CCDC141: variants seen among roughly 807,000 people sequenced by gnomAD.
The protein encoded by CCDC141 is coiled-coil domain containing 141.
In CCDC141, 168 loss-of-function variants were observed where a neutral mutation model predicts 181.0. That is an observed-to-expected ratio of 0.93 (90% CI 0.82 to 1.05). The LOEUF (loss-of-function observed/expected upper bound fraction) is 1.05, where lower values mean the gene tolerates loss of function less well. Among genes scored for constraint, CCDC141 ranks in the 50% least tolerant of loss-of-function variants. The pLI is 0.00. For synonymous variants in CCDC141, 666 were observed against 642.3 expected (o/e 1.04, Z -0.56); for missense variants, 1,902 against 1,788.5 (o/e 1.06, Z -1.14).
chr2:178,891,669 A>G (rs1687157705), intron 8 of CCDC141, among the ~76,000 whole-genome samples: 3 of 152,148 alleles, frequency 2.0e-5, no homozygotes, highest in African/African-American at 7.2e-5. Context: ...CCTCCAGCAC[A>G]AAAAATAGGT....
intron 14 of CCDC141, among the ~76,000 whole-genome samples, chr2:178,870,488 G>A (rs913637479): frequency 2.6e-5 from 4 of 152,088 alleles, no homozygotes; most frequent in African/African-American, 7.2e-5. Flanking sequence ...ACATGCAAAC[G>A]TGCACACAAA....
intron 17 of CCDC141, among the ~76,000 whole-genome samples, chr2:178,865,000 T>A (rs1685782199): frequency 6.6e-6 from 1 of 152,206 alleles, no homozygotes; most frequent in Admixed American, 6.5e-5. Context: ...GCTATCCCAA[T>A]CTGTGAGTTG....
chr2:178,927,924 G>T (rs1688969083), intron 6 of CCDC141, among the ~76,000 whole-genome samples: 1 of 152,180 alleles, frequency 6.6e-6, no homozygotes, highest in African/African-American at 2.4e-5. Flanking sequence ...GTTAGTTAAA[G>T]CCTGGCTCCA....
At position 178,933,090 on chromosome 2, in the gene CCDC141, T is replaced by G. The variant is rs530985945; in HGVS notation, c.897+11445A>C. 4.6e-5 allele frequency among the ~76,000 whole-genome samples: 7 copies of G among 152,318 alleles called. No individual in the cohort carries two copies. In the East Asian group the frequency reaches 1.3e-3, roughly 29 times the overall value. On this transcript the variant is annotated intron_variant, in intron 6 of 23. Coordinates refer to ENST00000443758, the MANE Select transcript of CCDC141 (RefSeq NM_173648.4). ...CAACTAGAAAATATTTTCAATGACT[T>G]GGAAAATCGGATTAGATGATGAATT...
chr2:179,021,401 C>T (rs1445007612), intron 2 of CCDC141, among the ~76,000 whole-genome samples: 2 of 152,146 alleles, frequency 1.3e-5, no homozygotes, highest in African/African-American at 4.8e-5. Context: ...ACACAAATAA[C>T]AGAACTAGTA....
At chr2:179,037,379 A>T (rs2154387540) in intron 2 of CCDC141, among the ~76,000 whole-genome samples, 1 of 152,324 alleles carries the variant, frequency 6.6e-6, no homozygotes, top group East Asian at 1.9e-4. Flanking sequence ...TTAGAGAAAA[A>T]CACTGCTATG....
At chr2:178,904,073 G>A (rs1052950663) in intron 8 of CCDC141, among the ~76,000 whole-genome samples, 17 of 152,200 alleles carry the variant, frequency 1.1e-4, no homozygotes, top group Non-Finnish European at 2.2e-4. Context: ...AAGAGGAGGA[G>A]GAGGAGGAGT....
rs1684545399 is a variant in CCDC141, at chr2:178,837,655, C to T, written c.3564G>A (p.Glu1188=). ...GCAGGAGCAGGTCCTGGACGCCACC[C>T]TCCTTGTCAGTGGACACCTTCAGGT... The part of the protein sequence containing the change: ...PQDLKVSTDK[E]GGVQDLLLPE... The change falls in exon 23 of 24, where the codon GAG becomes GAA. Residue 1188 remains glutamate, a synonymous_variant. Coordinates refer to ENST00000443758, the MANE Select transcript of CCDC141 (RefSeq NM_173648.4). 1 of 1,614,062 alleles carries T rather than the reference C, an allele frequency of 6.2e-7. No homozygotes were observed.
chr2:179,037,021 C>T (rs2043163303), intron 2 of CCDC141, among the ~76,000 whole-genome samples: 1 of 152,228 alleles, frequency 6.6e-6, no homozygotes, highest in Non-Finnish European at 1.5e-5. Context: ...CCCATAGAAC[C>T]TCCCTGTGGA....
At chr2:178,906,713 T>C (rs1413963349) in intron 7 of CCDC141, among the ~76,000 whole-genome samples, 2 of 152,072 alleles carry the variant, frequency 1.3e-5, no homozygotes, top group Non-Finnish European at 1.5e-5. Context: ...CAGAAGACTC[T>C]AGGTAAGGAT....
In CCDC141 at chr2:179,023,148, A is replaced by G. The variant is rs144697379; in HGVS notation, c.225+24136T>C. On this transcript the variant is annotated intron_variant, in intron 2 of 23. Transcript: ENST00000443758. Reference sequence around the variant, plus strand: ...TTTGTATATACACACTTGTGTATGTATTAGTTTCTTCAATTGTAAAATGGA... The same window carrying G: ...TTTGTATATACACACTTGTGTATGTGTTAGTTTCTTCAATTGTAAAATGGA... Among the ~76,000 whole-genome samples the G allele has an allele frequency of 2.6e-3, 391 of 152,352 alleles. 1 individual carries two copies. The highest frequency in any genetic ancestry group is 4.2e-3 in the Non-Finnish European group (289 of 68,028).
intron 14 of CCDC141, 56 bp from the exon 15 acceptor site, chr2:178,869,361 C>A (rs1190102791): frequency 7.8e-7 from 1 of 1,275,008 alleles, no homozygotes; most frequent in Admixed American, 2.5e-5. Flanking sequence ...TTTTACTTTA[C>A]AACTGACAAT....
intron 22 of CCDC141, among the ~76,000 whole-genome samples, chr2:178,841,457 T>C (rs1684713083): frequency 6.6e-6 from 1 of 152,176 alleles, no homozygotes; most frequent in Admixed American, 6.6e-5. Flanking sequence ...TCTGAGTAAA[T>C]CAATTTGGCT....
At chr2:178,855,669 T>G (rs1436529313) in intron 18 of CCDC141, 128 bp from the exon 19 acceptor site, 1 of 556,160 alleles carries the variant, frequency 1.8e-6, no homozygotes, top group African/African-American at 2.0e-5. Context: ...TAATAATTAT[T>G]ACAAATATAT....
At chr2:178,987,718 A>G (rs187344579) in intron 2 of CCDC141, among the ~76,000 whole-genome samples, 58,327 of 144,148 alleles carry the variant, frequency 0.4, 11,812 homozygotes, top group East Asian at 0.7. Flanking sequence ...ACATGAAAAA[A>G]TGCTCACCAT....
At chr2:179,023,705 T>C (rs1161883585) in intron 2 of CCDC141, among the ~76,000 whole-genome samples, 3 of 152,138 alleles carry the variant, frequency 2.0e-5, no homozygotes, top group African/African-American at 7.2e-5. Flanking sequence ...TACACTCTTA[T>C]GAGAAATATA....
chr2:178,992,259 A>G (rs1348007937), intron 2 of CCDC141, among the ~76,000 whole-genome samples: 12 of 150,442 alleles, frequency 8.0e-5, no homozygotes, highest in Admixed American at 7.9e-4. Flanking sequence ...GTATATTTTC[A>G]ATTTTCAATT....
intron 2 of CCDC141, among the ~76,000 whole-genome samples, chr2:179,012,579 A>G (rs915074843): frequency 5.3e-5 from 8 of 151,956 alleles, no homozygotes; most frequent in African/African-American, 1.9e-4. Flanking sequence ...ACACTATTCC[A>G]CAAGATAAAG....
At chr2:178,901,579 A>G (rs904138813) in intron 8 of CCDC141, among the ~76,000 whole-genome samples, 1 of 152,216 alleles carries the variant, frequency 6.6e-6, no homozygotes, top group African/African-American at 2.4e-5. Context: ...AAAATTCTCA[A>G]TAAATTAGGT....
Sources: gnomAD v4.1 joint callset for allele counts (sites outside exome capture counted in the v4.1 genomes callset) on GRCh38, gnomAD v4.1.1 for gene constraint, MANE v1.5 for transcripts, NCBI Gene and HGNC (gene_info 2026-07-23, HGNC 2026-07-21) for gene names.